Variants in RBFOX1 observed in about 807,000 individuals in gnomAD.
RBFOX1 encodes the protein RNA binding protein fox-1 homolog 1.
RBFOX1 carries 8 observed loss-of-function variants against 57.7 expected under a neutral mutation model. The ratio of observed to expected loss-of-function variants is 0.14; its 90% CI spans 0.08 to 0.25. RBFOX1 has a LOEUF of 0.25. Among genes scored for constraint, RBFOX1 ranks in the 10% least tolerant of loss-of-function variants. RBFOX1 has a pLI of 1.00. For missense variants in RBFOX1, 611 were observed against 548.5 expected (o/e 1.11, Z -1.14); for synonymous variants, 326 against 222.4 (o/e 1.47, Z -4.15).
chr16:7,593,447 C>T (rs1228010000), intron 7 of RBFOX1, among the ~76,000 whole-genome samples: 1 of 152,120 alleles, frequency 6.6e-6, no homozygotes, highest in African/African-American at 2.4e-5. Flanking sequence ...TATGGGCATA[C>T]TTTGTGCACA....
chr16:6,029,461 C>G (rs1016235559), intron 1 of RBFOX1, among the ~76,000 whole-genome samples: 1 of 152,180 alleles, frequency 6.6e-6, no homozygotes, highest in Non-Finnish European at 1.5e-5. Context: ...AGAATTTTTA[C>G]AGTTGAATCT....
intron 10 of RBFOX1, among the ~76,000 whole-genome samples, chr16:7,610,067 C>A (rs996167221): frequency 3.4e-5 from 5 of 146,722 alleles, no homozygotes; most frequent in Non-Finnish European, 7.4e-5. Context: ...CCGCCCTCCT[C>A]GGCCTCCTGA....
At chr16:6,607,529 C>A (rs1453557524) in intron 2 of RBFOX1, among the ~76,000 whole-genome samples, 3 of 148,382 alleles carry the variant, frequency 2.0e-5, no homozygotes, top group Non-Finnish European at 3.0e-5. Flanking sequence ...CTATCTATCT[C>A]CTCTCCCTCT....
chr16:6,817,532 TAAAAAAAAAA>T (rs71145302), intron 3 of RBFOX1, among the ~76,000 whole-genome samples: 1 of 127,580 alleles, frequency 7.8e-6, no homozygotes, highest in African/African-American at 3.0e-5. Context: ...TTTCTTTGCT[TAAAAAAAAAA>T]AAAAAAAAAA....
chr16:5,255,262 G>C (rs932313075), intron 1 of RBFOX1, among the ~76,000 whole-genome samples: 3 of 151,682 alleles, frequency 2.0e-5, no homozygotes, highest in Non-Finnish European at 4.4e-5. Context: ...TTCTTTGGAG[G>C]ACCCCGGATA....
intron 3 of RBFOX1, among the ~76,000 whole-genome samples, chr16:5,625,160 T>G (rs527797687): frequency 2.0e-5 from 3 of 152,302 alleles, no homozygotes; most frequent in African/African-American, 7.2e-5. Flanking sequence ...GTGCACTTAG[T>G]ATTGTCATTG....
chr16:7,060,126 T>G (rs1050710432), intron 4 of RBFOX1, among the ~76,000 whole-genome samples: 10 of 152,186 alleles, frequency 6.6e-5, no homozygotes, highest in African/African-American at 2.4e-4. Flanking sequence ...AAACTTTTTC[T>G]GAAAAAAGCC....
chr16:5,731,858 A>C (rs1030146764), intron 3 of RBFOX1, among the ~76,000 whole-genome samples: 1 of 152,210 alleles, frequency 6.6e-6, no homozygotes, highest in Non-Finnish European at 1.5e-5. Flanking sequence ...AAGAAAAATA[A>C]GAAGACACCA....
intron 3 of RBFOX1, among the ~76,000 whole-genome samples, chr16:6,688,693 G>T (rs1286755415): frequency 6.6e-6 from 1 of 152,180 alleles, no homozygotes; most frequent in Non-Finnish European, 1.5e-5. Flanking sequence ...GCATGTGCAG[G>T]TTTGTTACAT....
At chr16:6,538,214 G>C (rs1159132179) in intron 2 of RBFOX1, among the ~76,000 whole-genome samples, 1 of 152,174 alleles carries the variant, frequency 6.6e-6, no homozygotes, top group African/African-American at 2.4e-5. Flanking sequence ...AATCAGGCCA[G>C]GCATGGAGGC....
chr16:5,432,121 G>C (rs1241534997), intron 1 of RBFOX1, among the ~76,000 whole-genome samples: 1 of 152,160 alleles, frequency 6.6e-6, no homozygotes, highest in Non-Finnish European at 1.5e-5. Flanking sequence ...GCCCCTTCTA[G>C]GGCCATGGGT....
At chr16:5,483,876 C>T (rs995338314) in intron 2 of RBFOX1, among the ~76,000 whole-genome samples, 7 of 152,154 alleles carry the variant, frequency 4.6e-5, no homozygotes, top group South Asian at 2.1e-4. Context: ...GCTGTAATCA[C>T]GATGCCTGCC....
intron 1 of RBFOX1, among the ~76,000 whole-genome samples, chr16:6,046,402 C>T (rs1226741900): frequency 6.6e-6 from 1 of 152,162 alleles, no homozygotes; most frequent in Non-Finnish European, 1.5e-5. Flanking sequence ...TAGGGTTTGA[C>T]AAGACCCCAG....
chr16:6,596,485 A>G (rs1159241487), intron 2 of RBFOX1, among the ~76,000 whole-genome samples: 2 of 151,734 alleles, frequency 1.3e-5, no homozygotes, highest in Non-Finnish European at 2.9e-5. Context: ...CCTACTAGGG[A>G]AAAATTAACT....
At chr16:5,257,043 G>C (rs1163476592) in intron 1 of RBFOX1, among the ~76,000 whole-genome samples, 1 of 152,088 alleles carries the variant, frequency 6.6e-6, no homozygotes, top group Non-Finnish European at 1.5e-5. Context: ...ATCTAAGGAA[G>C]GTGTGGAAAC....
chr16:7,699,669 A>G (rs1327446526), intron 14 of RBFOX1, among the ~76,000 whole-genome samples: 1 of 152,222 alleles, frequency 6.6e-6, no homozygotes, highest in Admixed American at 6.5e-5. Context: ...TATATCAATA[A>G]TTGTGAGTTA....
chr16:6,428,492 A>G (rs1413536482), intron 2 of RBFOX1, among the ~76,000 whole-genome samples: 4 of 152,126 alleles, frequency 2.6e-5, no homozygotes, highest in African/African-American at 9.7e-5. Flanking sequence ...ATATTCTGTT[A>G]TTAAGGAAGT....
chr16:7,658,857 C>G (rs1292267850), intron 12 of RBFOX1, among the ~76,000 whole-genome samples: 3 of 152,168 alleles, frequency 2.0e-5, no homozygotes, highest in Non-Finnish European at 2.9e-5. Flanking sequence ...TCCCAGGTAG[C>G]TGGGATTATA....
chr16:6,396,603 G>A (rs929560838), intron 2 of RBFOX1, among the ~76,000 whole-genome samples: 1 of 152,176 alleles, frequency 6.6e-6, no homozygotes, highest in Non-Finnish European at 1.5e-5. Context: ...GGTAGAGGAT[G>A]CAGAATGGGA....
Sources: gnomAD v4.1 joint callset for allele counts (sites outside exome capture counted in the v4.1 genomes callset) on GRCh38, gnomAD v4.1.1 for gene constraint, MANE v1.5 for transcripts, NCBI Gene and HGNC (gene_info 2026-07-23, HGNC 2026-07-21) for gene names.